Variants in RAB9B observed in about 807,000 individuals in gnomAD.
RAB9B encodes the protein RAB9B, member RAS oncogene family, also known as ras-related protein Rab-9B.
In RAB9B, 1 loss-of-function variant was observed where a neutral mutation model predicts 8.9. That is an observed-to-expected ratio of 0.11 (90% confidence interval 0.04 to 0.53). The LOEUF (loss-of-function observed/expected upper bound fraction) is 0.53. RAB9B is among the 20% of genes least tolerant of loss of function. The pLI, the probability that RAB9B is intolerant of heterozygous loss-of-function variation, is 0.93. For missense variants in RAB9B, 82 were observed against 152.9 expected, an observed-to-expected ratio of 0.54 and a Z score of 2.45; for synonymous variants, 63 against 57.0, an observed-to-expected ratio of 1.10 and a Z score of -0.47.
intron 1 of RAB9B, among the ~76,000 whole-genome samples, chrX:103,828,881 C>T (rs931042854): frequency 7.2e-5 from 8 of 111,750 alleles, no homozygotes; most frequent in African/African-American, 2.6e-4. Context: ...TGGCAGTAAT[C>T]AGGACACCAG....
chrX:103,797,157 G>A, the RAB9B span, among the ~76,000 whole-genome samples: 2 of 105,247 alleles, frequency 1.9e-5, no homozygotes, highest in Non-Finnish European at 3.9e-5. Context: ...GCACCGTCTC[G>A]GTTCACTACA....
rs775895467 is a variant in RAB9B at position 103,825,048 on chromosome X, G to A, written c.*131C>T. On this transcript the variant is annotated 3_prime_UTR_variant, in exon 3 of 3. Transcript: ENST00000243298. ...ATCAATCTACACTTCAATTTGAAAG[G>A]CTCTGTTTCACAATCAGAACCTTGT... The A allele has an allele frequency of 7.4e-6, 5 of 679,807 alleles. No homozygotes were observed. The South Asian group carries it at 1.2e-4, about 16-fold the overall frequency. The allele number at this position is 679,807 out of a possible 1,213,427, so 56.0% of individuals were successfully genotyped here. A position where few individuals can be genotyped will look rare whatever the true frequency, so the allele number is the denominator to read the frequency against.
At chrX:103,817,892 G>T (rs922926078), downstream of RAB9B, among the ~76,000 whole-genome samples, 3 of 111,178 alleles carry the variant, frequency 2.7e-5, no homozygotes, top group East Asian at 8.4e-4. Flanking sequence ...AACAAAAGTA[G>T]TCTCGAGTAT....
chrX:103,808,429 T>C, the RAB9B span, among the ~76,000 whole-genome samples: 1 of 112,225 alleles, frequency 8.9e-6, no homozygotes, highest in Non-Finnish European at 1.9e-5. Context: ...CCGTAAACTG[T>C]CAGGTCTGTC....
the RAB9B span, among the ~76,000 whole-genome samples, chrX:103,782,861 A>C: frequency 8.9e-6 from 1 of 112,137 alleles, no homozygotes; most frequent in South Asian, 3.7e-4. Context: ...GGAAAGAACA[A>C]GGCTTCTTTG....
At chrX:103,814,226 C>A in the RAB9B span, among the ~76,000 whole-genome samples, 1 of 111,675 alleles carries the variant, frequency 9.0e-6, no homozygotes, top group African/African-American at 3.3e-5. Flanking sequence ...ACAGAAATTA[C>A]AACAAACTGT....
chrX:103,822,395 A>G lies in RAB9B; in HGVS notation c.*2784T>C, dbSNP rs914450406. The G allele has an allele frequency of 1.8e-5, 2 of 112,227 alleles. No homozygotes were observed. Among genetic ancestry groups the G allele is most frequent in the African/African-American group, 6.5e-5 (2 of 30,885 alleles). The allele number at this position is 112,227 out of a possible 1,213,427, so 9.2% of individuals were successfully genotyped here. On this transcript the variant is annotated 3_prime_UTR_variant, in exon 3 of 3. Coordinates refer to ENST00000243298, the MANE Select transcript of RAB9B (RefSeq NM_016370.4). ...TGATTTTTTACAGTTGAAAGAAAAT[A>G]TTTGATACACAATTTTGAGTTTTTT...
chrX:103,801,565 C>CA, the RAB9B span, among the ~76,000 whole-genome samples: 5 of 111,943 alleles, frequency 4.5e-5, no homozygotes, highest in African/African-American at 1.6e-4. Context: ...TATGTACCAG[C>CA]ATTGTTGTTT....
At chrX:103,781,210 G>A in the RAB9B span, 1 of 291,787 alleles carries the variant, frequency 3.4e-6, no homozygotes, top group Non-Finnish European at 6.9e-6. Context: ...GCGGGCCCAG[G>A]GCATGGGAAA....
chrX:103,819,775 T>C (rs1458466589), downstream of RAB9B, among the ~76,000 whole-genome samples: 1 of 112,147 alleles, frequency 8.9e-6, no homozygotes, highest in East Asian at 2.8e-4. Flanking sequence ...GCTCTTTTGG[T>C]GATGGAAACT....
chrX:103,788,492 C>T, the RAB9B span: 1 of 1,205,644 alleles, frequency 8.3e-7, no homozygotes, highest in East Asian at 3.0e-5. Context: ...ACCTTCTGTC[C>T]ATCTGCAAAA....
At chrX:103,786,135 C>T in the RAB9B span, 1 of 1,099,175 alleles carries the variant, frequency 9.1e-7, no homozygotes, top group South Asian at 2.0e-5. Flanking sequence ...CCTGTTCCTT[C>T]ACCCACCTTT....
the RAB9B span, chrX:103,790,958 A>C: frequency 3.9e-6 from 1 of 254,144 alleles, no homozygotes. Context: ...TGATGGAAAC[A>C]AAGTGGAAGG....
At chrX:103,802,258 GA>G in the RAB9B span, among the ~76,000 whole-genome samples, 1 of 107,411 alleles carries the variant, frequency 9.3e-6, no homozygotes, top group African/African-American at 3.4e-5. Flanking sequence ...GAGACAGAGA[GA>G]GAGAGAGAGA....
the RAB9B span, among the ~76,000 whole-genome samples, chrX:103,807,763 C>T: frequency 9.0e-6 from 1 of 111,614 alleles, no homozygotes; most frequent in African/African-American, 3.3e-5. Context: ...TCCCCAAAAC[C>T]CAGGGACTTG....
downstream of RAB9B, among the ~76,000 whole-genome samples, chrX:103,822,055 A>G (rs750750498): frequency 8.9e-6 from 1 of 111,901 alleles, no homozygotes; most frequent in South Asian, 3.8e-4. Context: ...AGCCTGAGCA[A>G]TGGAGGGACC....
Position 103,824,488 on chromosome X carries a change from T to G in RAB9B, c.*691A>C, listed in dbSNP as rs1272242906. On this transcript the variant is annotated 3_prime_UTR_variant, in exon 3 of 3. Transcript: ENST00000243298. ...CAAAGGTGGTTGGCATATTTAAGCATAATCCATTCACTAGTATCCTATGAC... is the reference window on the plus strand; with the variant it reads ...CAAAGGTGGTTGGCATATTTAAGCAGAATCCATTCACTAGTATCCTATGAC... 1.8e-5 allele frequency: 2 copies of G among 112,505 alleles called. No homozygotes were observed. The highest frequency in any genetic ancestry group is 6.5e-5 in the African/African-American group (2 of 30,992). 9.3% of individuals were successfully genotyped at this position (112,505 alleles called of 1,213,427 possible). A position where few individuals can be genotyped will look rare whatever the true frequency, so the allele number is the denominator to read the frequency against.
chrX:103,790,481 C>A, the RAB9B span: 22 of 943,911 alleles, frequency 2.3e-5, no homozygotes, highest in Admixed American at 4.8e-4. Context: ...GGAGGGAGTG[C>A]TTTCTTTTCT....
At chrX:103,816,235 A>T in the RAB9B span, among the ~76,000 whole-genome samples, 1 of 111,335 alleles carries the variant, frequency 9.0e-6, no homozygotes, top group Non-Finnish European at 1.9e-5. Flanking sequence ...AAACAGATAT[A>T]TAGACCAATG....
Sources: gnomAD v4.1 joint callset for allele counts (sites outside exome capture counted in the v4.1 genomes callset) on GRCh38, gnomAD v4.1.1 for gene constraint, MANE v1.5 for transcripts, NCBI Gene and HGNC (gene_info 2026-07-23, HGNC 2026-07-21) for gene names.